The following COTL1 variants were observed in gnomAD, a reference collection of about 807,000 sequenced individuals.
The protein encoded by COTL1 is coactosin like F-actin binding protein 1.
In COTL1, 15 loss-of-function variants were observed where a neutral mutation model predicts 16.5. The ratio of observed to expected loss-of-function variants is 0.91; its 90% CI spans 0.61 to 1.40. The LOEUF (loss-of-function observed/expected upper bound fraction) is 1.40, where lower values mean the gene tolerates loss of function less well. COTL1 is among the 40% of genes most tolerant of loss of function. The pLI, the probability that COTL1 is intolerant of heterozygous loss-of-function variation, is 0.00. For synonymous variants in COTL1, 112 were observed against 85.3 expected, an observed-to-expected ratio of 1.31 and a Z score of -1.73; for missense variants, 220 against 201.5, an observed-to-expected ratio of 1.09 and a Z score of -0.56.
At chr16:84,583,454 A>T (rs1371827153) in intron 3 of COTL1, among the ~76,000 whole-genome samples, 5 of 151,972 alleles carry the variant, frequency 3.3e-5, no homozygotes, top group Admixed American at 2.0e-4. Context: ...GTTTATTTTT[A>T]TTTATTTATT....
chr16:84,568,504 G>A (rs1428041554), intron 3 of COTL1: 1 of 152,216 alleles, frequency 6.6e-6, no homozygotes, highest in Non-Finnish European at 1.5e-5. Flanking sequence ...CAACTACATG[G>A]ATGAACCTCG....
chr16:84,603,723 T>G (rs1024138433), intron 2 of COTL1, among the ~76,000 whole-genome samples: 7 of 152,018 alleles, frequency 4.6e-5, no homozygotes, highest in Non-Finnish European at 8.8e-5. Flanking sequence ...GGAAAAGGGC[T>G]GCTCAGGGCC....
At chr16:84,596,487 A>AC (rs1484875214) in intron 2 of COTL1, 3 of 152,002 alleles carry the variant, frequency 2.0e-5, no homozygotes, top group Non-Finnish European at 4.4e-5. Flanking sequence ...CTGATTTTTG[A>AC]CCCCCAACAC....
chr16:84,590,928 T>C lies in COTL1; in HGVS notation c.161-666A>G, dbSNP rs1383690278. On this transcript the variant is annotated intron_variant, in intron 2 of 3. Transcript: ENST00000262428. This position sits in a 1 kb window ranked among gnomAD's most constrained non-coding sequence, Gnocchi z 5.5. ...TATGGCTCCGAGGATATTTCACTTA[T>C]GACTAGGGCAATTAGGTCAACAATG... Among the ~76,000 whole-genome samples, 1 of 152,186 alleles carries C rather than the reference T, an allele frequency of 6.6e-6. No homozygotes were observed. The highest frequency in any genetic ancestry group is 2.4e-5 in the African/African-American group (1 of 41,456).
At chr16:84,583,871 T>C (rs995236416) in intron 3 of COTL1, among the ~76,000 whole-genome samples, 7 of 152,124 alleles carry the variant, frequency 4.6e-5, no homozygotes, top group Admixed American at 3.3e-4. Context: ...CAGCCTCTGT[T>C]GTCCTCTGTT....
At chr16:84,613,569 A>G (rs528922465) in intron 2 of COTL1, among the ~76,000 whole-genome samples, 4 of 152,280 alleles carry the variant, frequency 2.6e-5, no homozygotes, top group South Asian at 2.1e-4. Context: ...GTGTAATCCA[A>G]TGGGGCAGAA....
At chr16:84,567,014 G>C in intron 3 of COTL1, 59 bp from the exon 4 acceptor site, 1 of 1,240,542 alleles carries the variant, frequency 8.1e-7, no homozygotes, top group Non-Finnish European at 1.2e-6. Flanking sequence ...AGGATGTGAG[G>C]GTGGCTCAGG....
chr16:84,567,089 G>GC (rs753014182), intron 3 of COTL1, 134 bp from the exon 4 acceptor site: 4 of 619,382 alleles, frequency 6.5e-6, no homozygotes, highest in Non-Finnish European at 1.2e-5. Context: ...TTCAGCAGCA[G>GC]AGTCAGTCAA....
intron 2 of COTL1, among the ~76,000 whole-genome samples, chr16:84,601,928 TCAC>T (rs1905112245): frequency 6.6e-6 from 1 of 152,158 alleles, no homozygotes; most frequent in African/African-American, 2.4e-5. Context: ...TTTTTCCGAC[TCAC>T]CACAAGCCAG....
intron 2 of COTL1, among the ~76,000 whole-genome samples, chr16:84,601,313 G>C (rs1320370150): frequency 6.6e-6 from 1 of 152,338 alleles, no homozygotes; most frequent in South Asian, 2.1e-4. Context: ...CAAAAATGTA[G>C]TGTGTGAATA....
At chr16:84,606,319 G>A (rs1036211617) in intron 2 of COTL1, among the ~76,000 whole-genome samples, 1 of 152,192 alleles carries the variant, frequency 6.6e-6, no homozygotes, top group East Asian at 1.9e-4. Context: ...TGTTACTTTG[G>A]AGGAGGGGAC....
chr16:84,591,759 A>G (rs1427468413), intron 2 of COTL1, among the ~76,000 whole-genome samples: 1 of 150,086 alleles, frequency 6.7e-6, no homozygotes, highest in Non-Finnish European at 1.5e-5. Flanking sequence ...GGAGGTTGAG[A>G]CTGCAGTTGA....
At chr16:84,615,043 T>G (rs1280848252) in intron 2 of COTL1, among the ~76,000 whole-genome samples, 1 of 152,152 alleles carries the variant, frequency 6.6e-6, no homozygotes, top group Non-Finnish European at 1.5e-5. Flanking sequence ...ATGACCAAGA[T>G]AAGGCACGTC....
chr16:84,617,486 G>A lies in COTL1; in HGVS notation c.160+15C>T, dbSNP rs370977924. 1.6e-5 allele frequency: 24 copies of A among 1,548,170 alleles called. No individual in the cohort carries two copies. The Admixed American group carries it at 4.1e-4, about 27-fold the overall frequency. ...CCAACGACCGCGCATCCGCCCGGCA[G>A]GCGCGCCTCCCTACCTGTGCACTGC... is the stretch of plus-strand genomic sequence containing the variant. On this transcript the variant is annotated intron_variant, in intron 2 of 3. Transcript: ENST00000262428.
intron 2 of COTL1, among the ~76,000 whole-genome samples, chr16:84,593,396 C>T (rs1272417403): frequency 6.6e-6 from 1 of 152,254 alleles, no homozygotes; most frequent in Non-Finnish European, 1.5e-5. Context: ...GCCCCACCTC[C>T]CATGCCCCGG....
intron 3 of COTL1, among the ~76,000 whole-genome samples, chr16:84,574,090 C>G (rs970113256): frequency 4.6e-5 from 7 of 152,266 alleles, no homozygotes; most frequent in African/African-American, 1.4e-4. Flanking sequence ...ATCACTTGAG[C>G]CTGGGAGGTC....
intron 3 of COTL1, among the ~76,000 whole-genome samples, chr16:84,580,326 G>A (rs1019118628): frequency 6.6e-6 from 1 of 152,182 alleles, no homozygotes; most frequent in Non-Finnish European, 1.5e-5. Context: ...TCACAGTGGT[G>A]TGATCATAGC....
chr16:84,605,170 C>T (rs1228955705), intron 2 of COTL1, among the ~76,000 whole-genome samples: 5 of 152,246 alleles, frequency 3.3e-5, no homozygotes, highest in South Asian at 2.1e-4. Flanking sequence ...GTCTGCCCCA[C>T]GGTGTTCCAC....
At position 84,604,213 on chromosome 16, in the gene COTL1, C is replaced by T. The variant is rs114232408; in HGVS notation, c.160+13288G>A. ...CCCTGCGCTCCCCATCCACACTCAC[C>T]GGCCATAGCCCTCATGCCACGGTCC... On this transcript the variant is annotated intron_variant, in intron 2 of 3. Transcript: ENST00000262428. 4.3e-3 allele frequency among the ~76,000 whole-genome samples: 386 copies of T among 90,024 alleles called. 6 individuals are homozygous for T. The highest frequency in any genetic ancestry group is 0.018 in the African/African-American group (352 of 20,096). 59.1% of individuals were successfully genotyped at this position (90,024 alleles called of 152,430 possible).
Sources: gnomAD v4.1 joint callset for allele counts (sites outside exome capture counted in the v4.1 genomes callset) on GRCh38, gnomAD v4.1.1 for gene constraint, Gnocchi (gnomAD v3.1) non-coding constraint, MANE v1.5 for transcripts, NCBI Gene and HGNC (gene_info 2026-07-23, HGNC 2026-07-21) for gene names.